Variants in CLEC16A observed in about 807,000 individuals in gnomAD.
CLEC16A encodes C-type lectin domain containing 16A, also known as protein CLEC16A.
In CLEC16A, 51 loss-of-function variants were observed where a neutral mutation model predicts 109.5. The ratio of observed to expected loss-of-function variants is 0.47; its 90% CI spans 0.37 to 0.59. The LOEUF (loss-of-function observed/expected upper bound fraction) is 0.59, where lower values mean the gene tolerates loss of function less well. CLEC16A is among the 20% of genes least tolerant of loss of function. The pLI is 0.00. For synonymous variants in CLEC16A, 673 were observed against 564.2 expected, an observed-to-expected ratio of 1.19 and a Z score of -2.73; for missense variants, 1,339 against 1,394.0, an observed-to-expected ratio of 0.96 and a Z score of 0.63.
At chr16:11,166,672 T>A (rs993431057) in intron 23 of CLEC16A, 120 bp downstream of exon 23, 2 of 1,002,014 alleles carry the variant, frequency 2.0e-6, no homozygotes, top group African/African-American at 3.3e-5. Context: ...ATGATGCCGC[T>A]CAGGTGATCT....
chr16:11,056,844 A>C (rs1365234155), intron 18 of CLEC16A: 3 of 152,242 alleles, frequency 2.0e-5, no homozygotes, highest in African/African-American at 7.2e-5. Context: ...AAAAGAGTGT[A>C]CTGTGGTCTT....
At chr16:11,161,871 G>A (rs1443135432) in intron 22 of CLEC16A, among the ~76,000 whole-genome samples, 2 of 152,220 alleles carry the variant, frequency 1.3e-5, no homozygotes, top group African/African-American at 2.4e-5. Context: ...TAAGCAAAGC[G>A]AAACTCGTGT....
chr16:11,108,528 G>C (rs1288861529), intron 19 of CLEC16A, among the ~76,000 whole-genome samples: 1 of 152,248 alleles, frequency 6.6e-6, no homozygotes, highest in Non-Finnish European at 1.5e-5. Context: ...GGTAGAGGGG[G>C]CACCAGGCTG....
chr16:11,167,062 T>A (rs2140947499), intron 23 of CLEC16A, among the ~76,000 whole-genome samples: 1 of 152,306 alleles, frequency 6.6e-6, no homozygotes, highest in Admixed American at 6.5e-5. Context: ...ATCCTTCAAC[T>A]TATTCCACTT....
At chr16:11,175,326 C>T (rs904251178) in intron 23 of CLEC16A, among the ~76,000 whole-genome samples, 3 of 152,172 alleles carry the variant, frequency 2.0e-5, no homozygotes, top group Non-Finnish European at 4.4e-5. Context: ...GTCCCATTAC[C>T]CCCTCGGCTC....
intron 19 of CLEC16A, among the ~76,000 whole-genome samples, chr16:11,119,228 C>T (rs1323879450): frequency 6.6e-6 from 1 of 152,108 alleles, no homozygotes; most frequent in Non-Finnish European, 1.5e-5. Context: ...CCTTGTAAGT[C>T]GTGACGTCAA....
At chr16:11,070,575 C>T (rs916669259) in intron 19 of CLEC16A, 1 of 152,208 alleles carries the variant, frequency 6.6e-6, no homozygotes, top group African/African-American at 2.4e-5. Flanking sequence ...GTTTTGTCCC[C>T]TAGAGTTTAT....
At chr16:11,126,362 C>A (rs1260605746) in intron 22 of CLEC16A, 2 of 1,453,612 alleles carry the variant, frequency 1.4e-6, no homozygotes, top group Non-Finnish European at 1.8e-6. Context: ...GTTTGGTTTT[C>A]CAGAGATTTG....
At chr16:11,046,793 C>A (rs2047657987) in intron 16 of CLEC16A, among the ~76,000 whole-genome samples, 1 of 152,116 alleles carries the variant, frequency 6.6e-6, no homozygotes, top group Non-Finnish European at 1.5e-5. Flanking sequence ...CCCTGAGGAA[C>A]AACATAACCC....
chr16:11,175,884 G>A (rs570418646), intron 23 of CLEC16A, among the ~76,000 whole-genome samples: 1 of 152,230 alleles, frequency 6.6e-6, no homozygotes, highest in African/African-American at 2.4e-5. Flanking sequence ...ATATCTGCAT[G>A]CAAATGCAGA....
intron 18 of CLEC16A, among the ~76,000 whole-genome samples, chr16:11,056,292 G>A (rs2048209869): frequency 6.6e-6 from 1 of 152,218 alleles, no homozygotes; most frequent in African/African-American, 2.4e-5. Context: ...CGTGGGTCTT[G>A]CCTCTCAGCT....
At chr16:11,040,516 T>TTTTTTTTTTTG in intron 14 of CLEC16A, 1 of 134,608 alleles carries the variant, frequency 7.4e-6, no homozygotes, top group African/African-American at 2.9e-5. Flanking sequence ...TTTCTTTTCT[T>TTTTTTTTTTTG]TTTTTTTTTT....
At chr16:11,127,067 G>C (rs956180891) in intron 22 of CLEC16A, among the ~76,000 whole-genome samples, 2 of 152,148 alleles carry the variant, frequency 1.3e-5, no homozygotes, top group Non-Finnish European at 2.9e-5. Flanking sequence ...TTAAAATCCA[G>C]ACAGGAGATG....
intron 22 of CLEC16A, among the ~76,000 whole-genome samples, chr16:11,132,783 C>T (rs190990295): frequency 5.3e-4 from 81 of 152,310 alleles, no homozygotes; most frequent in Admixed American, 2.7e-3. Flanking sequence ...TTGTCCTTGA[C>T]AGTGCTCATG....
intron 4 of CLEC16A, 97 bp from the exon 5 acceptor site, chr16:10,971,028 C>CT: frequency 2.6e-6 from 1 of 383,286 alleles, no homozygotes; most frequent in Non-Finnish European, 4.5e-6. Flanking sequence ...TTTTTTTTGT[C>CT]TTTTTCTGAA....
chr16:10,972,304 G>A (rs1290084522), intron 5 of CLEC16A, among the ~76,000 whole-genome samples: 1 of 152,188 alleles, frequency 6.6e-6, no homozygotes, highest in Non-Finnish European at 1.5e-5. Flanking sequence ...GTCACACGCT[G>A]GACCTCTGGC....
At position 11,059,788 on chromosome 16, in the gene CLEC16A, G is replaced by A. The variant is rs541734535; in HGVS notation, c.1996-1114G>A. Among the ~76,000 whole-genome samples the A allele has an allele frequency of 2.6e-5, 4 of 152,290 alleles. No individual in the cohort carries two copies. In the East Asian group the frequency reaches 7.7e-4, roughly 29 times the overall value. On this transcript the variant is annotated intron_variant, in intron 18 of 23. Coordinates refer to ENST00000409790, the MANE Select transcript of CLEC16A (RefSeq NM_015226.3). ...TGCGTTATCTCAGAACCTCCTAGCA[G>A]GCATGCGAGCTATCATGCCCATTTT...
intron 11 of CLEC16A, among the ~76,000 whole-genome samples, chr16:11,011,516 C>G (rs1320273325): frequency 6.6e-6 from 1 of 152,136 alleles, no homozygotes; most frequent in African/African-American, 2.4e-5. Flanking sequence ...CTTACACTTT[C>G]TGGCATAACA....
At chr16:11,083,596 T>C (rs1192100475) in intron 19 of CLEC16A, among the ~76,000 whole-genome samples, 1 of 152,208 alleles carries the variant, frequency 6.6e-6, no homozygotes, top group African/African-American at 2.4e-5. Flanking sequence ...TCACCTCCTC[T>C]CACTCCATCC....
Sources: gnomAD v4.1 joint callset for allele counts (sites outside exome capture counted in the v4.1 genomes callset) on GRCh38, gnomAD v4.1.1 for gene constraint, MANE v1.5 for transcripts, NCBI Gene and HGNC (gene_info 2026-07-23, HGNC 2026-07-21) for gene names.